Variants in GPC5 observed in about 807,000 individuals in gnomAD.
The protein encoded by GPC5 is glypican-5.
A neutral mutation model predicts 53.9 loss-of-function variants in GPC5; 47 were observed. The ratio of observed to expected loss-of-function variants is 0.87; its 90% CI spans 0.69 to 1.11. The LOEUF (loss-of-function observed/expected upper bound fraction) is 1.11. Among genes scored for constraint, GPC5 ranks in the 50% most tolerant of loss-of-function variants. The pLI, the probability that GPC5 is intolerant of heterozygous loss-of-function variation, is 0.00. For missense variants in GPC5, 748 were observed against 713.1 expected, an observed-to-expected ratio of 1.05 and a Z score of -0.56; for synonymous variants, 286 against 263.3, an observed-to-expected ratio of 1.09 and a Z score of -0.84.
intron 7 of GPC5, among the ~76,000 whole-genome samples, chr13:92,624,272 G>C (rs1278449631): frequency 6.6e-6 from 1 of 151,996 alleles, no homozygotes; most frequent in East Asian, 1.9e-4. Flanking sequence ...GTTTTGCCCT[G>C]TTGGCCAGGC....
intron 7 of GPC5, among the ~76,000 whole-genome samples, chr13:92,713,403 T>G (rs1888210452): frequency 7.0e-6 from 1 of 142,534 alleles, no homozygotes; most frequent in Admixed American, 7.2e-5. Flanking sequence ...CCATCCTGGC[T>G]AACACAGTGA....
At chr13:92,117,838 T>C (rs1275195453) in intron 6 of GPC5, among the ~76,000 whole-genome samples, 1 of 152,204 alleles carries the variant, frequency 6.6e-6, no homozygotes, top group African/African-American at 2.4e-5. Flanking sequence ...TATTGAGCAT[T>C]TTAATAGGTT....
At chr13:92,507,138 C>A (rs1022687153) in intron 7 of GPC5, among the ~76,000 whole-genome samples, 7 of 152,104 alleles carry the variant, frequency 4.6e-5, no homozygotes, top group Non-Finnish European at 8.8e-5. Flanking sequence ...TCAGGAATTA[C>A]TTCCATTGGT....
intron 7 of GPC5, among the ~76,000 whole-genome samples, chr13:92,431,047 T>A (rs181116991): frequency 6.6e-6 from 1 of 152,186 alleles, no homozygotes; most frequent in Admixed American, 6.5e-5. Context: ...AATTTAGATA[T>A]CTTTTTATTC....
chr13:92,738,046 G>A (rs187890726), intron 7 of GPC5, among the ~76,000 whole-genome samples: 2 of 152,038 alleles, frequency 1.3e-5, no homozygotes, highest in African/African-American at 4.8e-5. Context: ...TTACAGGCAT[G>A]AGCCACTGTG....
chr13:91,934,561 T>C (rs1398138078), intron 6 of GPC5, among the ~76,000 whole-genome samples: 1 of 151,938 alleles, frequency 6.6e-6, no homozygotes, highest in East Asian at 1.9e-4. Context: ...AAGAGCAAAG[T>C]TGGGATTTAA....
intron 6 of GPC5, among the ~76,000 whole-genome samples, chr13:91,980,076 A>G (rs2040343723): frequency 2.6e-5 from 4 of 152,236 alleles, no homozygotes; most frequent in Admixed American, 2.6e-4. Context: ...TTTATTAAAG[A>G]GCAAAGCTGT....
intron 6 of GPC5, among the ~76,000 whole-genome samples, chr13:92,048,277 T>G (rs376012572): frequency 6.6e-6 from 1 of 150,934 alleles, no homozygotes; most frequent in Non-Finnish European, 1.5e-5. Context: ...GTAACATATA[T>G]TATATGTAAT....
chr13:92,795,334 T>C (rs1876632563), intron 7 of GPC5, among the ~76,000 whole-genome samples: 1 of 152,114 alleles, frequency 6.6e-6, no homozygotes, highest in African/African-American at 2.4e-5. Flanking sequence ...TAGCCATATG[T>C]AGAAAGCTGA....
At chr13:92,233,183 G>C (rs1201581977) in intron 7 of GPC5, among the ~76,000 whole-genome samples, 1 of 152,170 alleles carries the variant, frequency 6.6e-6, no homozygotes, top group Non-Finnish European at 1.5e-5. Flanking sequence ...TGGTGAACCT[G>C]CCTTATAGCA....
chr13:92,105,946 T>A (rs2041506083), intron 6 of GPC5, among the ~76,000 whole-genome samples: 1 of 152,070 alleles, frequency 6.6e-6, no homozygotes, highest in Non-Finnish European at 1.5e-5. Context: ...TTGGTCTTCA[T>A]ATAAATGGAA....
At chr13:91,769,446 C>T (rs1188359082) in intron 5 of GPC5, among the ~76,000 whole-genome samples, 2 of 152,190 alleles carry the variant, frequency 1.3e-5, no homozygotes, top group African/African-American at 2.4e-5. Flanking sequence ...CCTGTGCTCT[C>T]ATGAAGCTAA....
intron 2 of GPC5, among the ~76,000 whole-genome samples, chr13:91,656,108 T>C (rs948680251): frequency 2.6e-5 from 4 of 152,168 alleles, no homozygotes. Flanking sequence ...TCACTACTTT[T>C]ACTAACTGGT....
intron 7 of GPC5, among the ~76,000 whole-genome samples, chr13:92,538,186 G>T (rs747861426): frequency 6.6e-6 from 1 of 151,912 alleles, no homozygotes; most frequent in Non-Finnish European, 1.5e-5. Context: ...CACATTTTGC[G>T]TATGTAAAAA....
At chr13:92,385,555 T>TATATACATATAC (rs1566567870) in intron 7 of GPC5, among the ~76,000 whole-genome samples, 15 of 46,386 alleles carry the variant, frequency 3.2e-4, no homozygotes, top group East Asian at 1.0e-3. Flanking sequence ...TATACATATA[T>TATATACATATAC]GCATATATAC....
At chr13:92,655,586 C>T (rs1594387706) in intron 7 of GPC5, among the ~76,000 whole-genome samples, 2 of 152,242 alleles carry the variant, frequency 1.3e-5, no homozygotes, top group South Asian at 2.1e-4. Context: ...CCACCCTCCC[C>T]GCCCTTGGCC....
intron 6 of GPC5, among the ~76,000 whole-genome samples, chr13:92,075,678 A>G (rs1337235530): frequency 2.6e-5 from 4 of 152,134 alleles, no homozygotes; most frequent in Admixed American, 6.5e-5. Context: ...AGATTTCTCT[A>G]TTGGAACATC....
chr13:91,570,345 T>A (rs1012051768), intron 2 of GPC5, among the ~76,000 whole-genome samples: 9 of 152,144 alleles, frequency 5.9e-5, no homozygotes, highest in Admixed American at 5.9e-4. Context: ...AGCACTAACA[T>A]GACATTCAAA....
chr13:92,613,533 ATAAAATAT>A (rs1884561609), intron 7 of GPC5, among the ~76,000 whole-genome samples: 2 of 126,076 alleles, frequency 1.6e-5, no homozygotes, highest in Admixed American at 9.7e-5. Context: ...TAATTTATAT[ATAAAATAT>A]AATATATAAT....
Sources: gnomAD v4.1 joint callset for allele counts (sites outside exome capture counted in the v4.1 genomes callset) on GRCh38, gnomAD v4.1.1 for gene constraint, MANE v1.5 for transcripts, NCBI Gene and HGNC (gene_info 2026-07-23, HGNC 2026-07-21) for gene names.